Variants in NAALADL2 observed in about 807,000 individuals in gnomAD.
NAALADL2 encodes the protein N-acetylated alpha-linked acidic dipeptidase like 2.
NAALADL2 carries 76 observed loss-of-function variants against 87.2 expected under a neutral mutation model. The ratio of observed to expected loss-of-function variants is 0.87; its 90% CI spans 0.72 to 1.05. NAALADL2 has a LOEUF of 1.05. Among genes scored for constraint, NAALADL2 ranks in the 50% least tolerant of loss-of-function variants. NAALADL2 has a pLI of 0.00. For missense variants in NAALADL2, 1,089 were observed against 945.8 expected (o/e 1.15, Z -1.99); for synonymous variants, 354 against 331.0 (o/e 1.07, Z -0.75).
chr3:174,593,609 G>T (rs1391977940), intron 2 of NAALADL2, among the ~76,000 whole-genome samples: 1 of 152,092 alleles, frequency 6.6e-6, no homozygotes, highest in African/African-American at 2.4e-5. Flanking sequence ...TTCTTATTTA[G>T]AGATGTAAGT....
intron 11 of NAALADL2, among the ~76,000 whole-genome samples, chr3:175,708,519 A>G (rs746062134): frequency 6.6e-6 from 1 of 152,012 alleles, no homozygotes; most frequent in East Asian, 1.9e-4. Flanking sequence ...ATATAATAAT[A>G]AACAGACCAA....
At chr3:174,593,339 G>T (rs551362631) in intron 2 of NAALADL2, among the ~76,000 whole-genome samples, 1 of 152,108 alleles carries the variant, frequency 6.6e-6, no homozygotes, top group Non-Finnish European at 1.5e-5. Flanking sequence ...GTCAGACACC[G>T]TTGCAAGTGT....
At chr3:175,273,054 T>C (rs1273064489) in intron 4 of NAALADL2, among the ~76,000 whole-genome samples, 1 of 152,120 alleles carries the variant, frequency 6.6e-6, no homozygotes, top group Non-Finnish European at 1.5e-5. Context: ...AAATATTTAG[T>C]CCATTTAAAA....
intron 12 of NAALADL2, among the ~76,000 whole-genome samples, chr3:175,745,926 T>C (rs1201933527): frequency 1.3e-5 from 2 of 152,176 alleles, no homozygotes. Context: ...CTTCATCAGA[T>C]TTCTTAAATA....
At chr3:175,370,964 G>T (rs932894628) in intron 5 of NAALADL2, among the ~76,000 whole-genome samples, 1 of 152,060 alleles carries the variant, frequency 6.6e-6, no homozygotes, top group African/African-American at 2.4e-5. Context: ...ATAACATTAT[G>T]TTCAGAATCA....
chr3:175,773,716 T>C (rs1749825558), intron 13 of NAALADL2: 1 of 152,154 alleles, frequency 6.6e-6, no homozygotes, highest in Non-Finnish European at 1.5e-5. Flanking sequence ...GAGACTTCAA[T>C]GTTTTTGGCT....
At position 174,727,742 on chromosome 3, in the gene NAALADL2, T is replaced by C. The variant is rs115047378; in HGVS notation, c.-114-9899T>C. The stretch of plus-strand genomic sequence containing the variant: ...ACACTTCACTCTCAACCAAAGTCCA[T>C]AGCCTGCATTTGGGTTCACACTTTG... On this transcript the variant is annotated intron_variant, in intron 2 of 3. Coordinates refer to the NAALADL2 transcript ENST00000434257. Among the ~76,000 whole-genome samples the C allele has an allele frequency of 6.1e-3, 927 of 152,194 alleles. 4 individuals carry two copies. The highest frequency in any genetic ancestry group is 0.017 in the Middle Eastern group (5 of 294).
chr3:175,717,641 A>AGATC (rs1258818876), intron 11 of NAALADL2, among the ~76,000 whole-genome samples: 1 of 151,362 alleles, frequency 6.6e-6, no homozygotes, highest in Admixed American at 6.6e-5. Context: ...CAGTGACCCA[A>AGATC]GATCGTACCA....
rs532250101 is a variant in NAALADL2 at position 175,678,705 on chromosome 3, C to T, written c.1896+51319C>T. ...CACTTGGACACAGGGTGGGGAACAT[C>T]ACACACCAGGGCCTGTCGTGGGGTG... On this transcript the variant is annotated intron_variant, in intron 11 of 13. Transcript: ENST00000454872. 2.0e-5 allele frequency among the ~76,000 whole-genome samples: 3 copies of T among 152,232 alleles called. No individual in the cohort carries two copies. The South Asian group carries it at 6.2e-4, about 32-fold the overall frequency.
chr3:175,474,965 C>A (rs1725463053), intron 9 of NAALADL2, among the ~76,000 whole-genome samples: 1 of 151,520 alleles, frequency 6.6e-6, no homozygotes, highest in South Asian at 2.1e-4. Context: ...ACCCAGTATT[C>A]ATATTGAAGG....
chr3:174,661,828 C>T (rs1050784991), intron 2 of NAALADL2, among the ~76,000 whole-genome samples: 2 of 149,510 alleles, frequency 1.3e-5, no homozygotes, highest in African/African-American at 4.9e-5. Context: ...TGCGTGCACG[C>T]ACACACACAC....
intron 1 of NAALADL2, among the ~76,000 whole-genome samples, chr3:174,462,867 G>A (rs1221623897): frequency 2.6e-5 from 4 of 152,140 alleles, no homozygotes; most frequent in African/African-American, 4.8e-5. Context: ...AAATAAAGGC[G>A]CTAGTAGACT....
In NAALADL2 at chr3:175,803,800, A is replaced by G. The variant is rs995599121; in HGVS notation, c.*597A>G. On this transcript the variant is annotated 3_prime_UTR_variant, in exon 14 of 14. Coordinates refer to ENST00000454872, the MANE Select transcript of NAALADL2 (RefSeq NM_207015.3). ...TTGTATTTTTTTAAGTATTAATGAA[A>G]AAAGAGCCATAAGCATTCCAGGAGA... 1.3e-5 allele frequency: 2 copies of G among 152,392 alleles called. No homozygotes were observed. The highest frequency in any genetic ancestry group is 4.8e-5 in the African/African-American group (2 of 41,418). 9.4% of individuals were successfully genotyped at this position (152,392 alleles called of 1,614,324 possible). A position where few individuals can be genotyped will look rare whatever the true frequency, so the allele number is the denominator to read the frequency against.
intron 1 of NAALADL2, among the ~76,000 whole-genome samples, chr3:174,535,746 T>C (rs1350760310): frequency 6.6e-6 from 1 of 152,164 alleles, no homozygotes; most frequent in African/African-American, 2.4e-5. Flanking sequence ...CCATATATAA[T>C]TTGTTGAGTT....
At position 175,234,221 on chromosome 3, in the gene NAALADL2, T is replaced by C; in HGVS notation, c.819+17T>C. On this transcript the variant is annotated intron_variant, in intron 3 of 13. Transcript: ENST00000454872. Reference sequence around the variant, plus strand: ...ACTCTCAAGGTAATATGACCATTTGTCTCTGTCATTTACAGTGAGATGGAA... The same window carrying C: ...ACTCTCAAGGTAATATGACCATTTGCCTCTGTCATTTACAGTGAGATGGAA... The C allele has an allele frequency of 6.2e-7, 1 of 1,608,754 alleles. No homozygotes were observed. Among genetic ancestry groups the C allele is most frequent in the Non-Finnish European group, 8.5e-7 (1 of 1,176,968 alleles).
chr3:175,176,946 T>C (rs566189725), intron 2 of NAALADL2, among the ~76,000 whole-genome samples: 12 of 152,218 alleles, frequency 7.9e-5, no homozygotes, highest in African/African-American at 2.6e-4. Context: ...GGTAAATTGA[T>C]ACAGCAACAT....
chr3:175,024,722 T>G (rs1371934849), intron 1 of NAALADL2, among the ~76,000 whole-genome samples: 1 of 152,082 alleles, frequency 6.6e-6, no homozygotes, highest in East Asian at 1.9e-4. Context: ...TATCTTATTT[T>G]TTTTCAGTTT....
chr3:175,731,106 C>T (rs1743681061), intron 11 of NAALADL2, among the ~76,000 whole-genome samples: 1 of 152,092 alleles, frequency 6.6e-6, no homozygotes, highest in Non-Finnish European at 1.5e-5. Context: ...CCACAGATAA[C>T]CAACTGAGAG....
chr3:175,159,903 C>G (rs1580735883), intron 2 of NAALADL2, among the ~76,000 whole-genome samples: 1 of 151,642 alleles, frequency 6.6e-6, no homozygotes, highest in South Asian at 2.1e-4. Flanking sequence ...GTGGCAGGAT[C>G]TCAACTCACT....
Sources: gnomAD v4.1 joint callset for allele counts (sites outside exome capture counted in the v4.1 genomes callset) on GRCh38, gnomAD v4.1.1 for gene constraint, MANE v1.5 for transcripts, NCBI Gene and HGNC (gene_info 2026-07-23, HGNC 2026-07-21) for gene names.